CCDC93: variants seen among roughly 807,000 people sequenced by gnomAD.
The protein encoded by CCDC93 is CCC complex scaffolding subunit CCDC93.
A neutral mutation model predicts 108.2 loss-of-function variants in CCDC93; 61 were observed. That is an observed-to-expected ratio of 0.56 (90% CI 0.46 to 0.70). The LOEUF (loss-of-function observed/expected upper bound fraction) is 0.70. Among genes scored for constraint, CCDC93 ranks in the 30% least tolerant of loss-of-function variants. The probability of loss-of-function intolerance (pLI) is 0.00; values close to 1 mark genes in which losing one functional copy is unlikely to be tolerated. For missense variants in CCDC93, 685 were observed against 764.2 expected (o/e 0.90, Z 1.22); for synonymous variants, 276 against 260.4 (o/e 1.06, Z -0.58).
intron 7 of CCDC93, among the ~76,000 whole-genome samples, chr2:117,981,075 C>T (rs1039895343): frequency 6.6e-6 from 1 of 152,070 alleles, no homozygotes; most frequent in African/African-American, 2.4e-5. Context: ...ATGAGTAAGC[C>T]ACATTTTGTT....
intron 23 of CCDC93, among the ~76,000 whole-genome samples, chr2:117,922,519 T>G (rs759436930): frequency 1.3e-5 from 2 of 152,208 alleles, no homozygotes; most frequent in Non-Finnish European, 2.9e-5. Flanking sequence ...ATTTAAATCT[T>G]AGTATCATGA....
At position 117,941,316 on chromosome 2, in the gene CCDC93, C is replaced by G. The variant is rs143570379; in HGVS notation, c.1414-19G>C. The stretch of plus-strand genomic sequence containing the variant: ...TTCGAGCCTAAATGCAAAAGGGAGA[C>G]AGAGACAGTACTATTTGGTAAAAGG... On this transcript the variant is annotated intron_variant, in intron 18 of 23. Transcript: ENST00000376300. The G allele has an allele frequency of 1.3e-6, 2 of 1,592,596 alleles. No homozygotes were observed. Among genetic ancestry groups the G allele is most frequent in the Non-Finnish European group, 1.7e-6 (2 of 1,160,492 alleles).
At chr2:117,995,650 T>C in intron 5 of CCDC93, 148 bp from the exon 6 acceptor site, 1 of 644,168 alleles carries the variant, frequency 1.6e-6, no homozygotes, top group Non-Finnish European at 2.7e-6. Flanking sequence ...TGTAATATAT[T>C]CTCCATGGGA....
chr2:117,970,589 T>G (rs1437638903), intron 11 of CCDC93, among the ~76,000 whole-genome samples: 2 of 152,224 alleles, frequency 1.3e-5, no homozygotes, highest in African/African-American at 4.8e-5. Flanking sequence ...GTATAGACTT[T>G]ATTCAAATTC....
In CCDC93 at chr2:117,935,489, T is replaced by C. The variant is rs768880760; in HGVS notation, c.1728+6A>G. 3.2e-5 allele frequency: 52 copies of C among 1,608,772 alleles called. No individual in the cohort carries two copies. The highest frequency in any genetic ancestry group is 2.2e-4 in the South Asian group (20 of 90,914). ...GGGCTGCATTACAGAAAAGAAGCCA[T>C]CTGACCTTCATTCTACTTTGCTTAA... is the stretch of plus-strand genomic sequence containing the variant. On this transcript the variant is annotated splice_donor_region_variant and intron_variant, in intron 22 of 23. Coordinates refer to ENST00000376300, the MANE Select transcript of CCDC93 (RefSeq NM_019044.5).
Position 117,934,152 on chromosome 2 carries a change from C to T in CCDC93, c.1728+1343G>A, listed in dbSNP as rs146300116. On this transcript the variant is annotated intron_variant, in intron 22 of 23. Coordinates refer to ENST00000376300, the MANE Select transcript of CCDC93 (RefSeq NM_019044.5). The stretch of plus-strand genomic sequence containing the variant: ...TCATGGAGTTTTTTCCTTTGGCCTC[C>T]ACTTCCTGTTTACACTGCTCTCTGT... The T allele has an allele frequency of 2.3e-4, 35 of 152,274 alleles. No homozygotes were observed. In the East Asian group the frequency reaches 6.8e-3, roughly 30 times the overall value. The allele number at this position is 152,274 out of a possible 1,614,324, so 9.4% of individuals were successfully genotyped here.
At chr2:118,001,064 T>C (rs1360114467) in intron 3 of CCDC93, 132 bp from the exon 4 acceptor site, 2 of 602,304 alleles carry the variant, frequency 3.3e-6, no homozygotes, top group Admixed American at 5.7e-5. Flanking sequence ...ATGACAAGTT[T>C]CTCCTAGATG....
At chr2:117,983,633 TATATATA>T (rs1680220913) in intron 7 of CCDC93, among the ~76,000 whole-genome samples, 45 of 115,690 alleles carry the variant, frequency 3.9e-4, no homozygotes, top group African/African-American at 1.5e-3. Context: ...CTCAAAATTA[TATATATA>T]TATATATATA....
At position 117,990,472 on chromosome 2, in the gene CCDC93, A is replaced by T. The variant is rs966250418; in HGVS notation, c.520-4403T>A. On this transcript the variant is annotated intron_variant, in intron 6 of 23. Coordinates refer to ENST00000376300, the MANE Select transcript of CCDC93 (RefSeq NM_019044.5). ...CGCCCATCATAAGCTCGGATGATAA[A>T]GTTCACAGCGGCCTTTCTGCCTGGC... Among the ~76,000 whole-genome samples the T allele has an allele frequency of 5.9e-5, 9 of 152,372 alleles. No homozygotes were observed. In the East Asian group the frequency reaches 1.7e-3, roughly 29 times the overall value.
chr2:117,954,708 G>T (rs1284404406), intron 12 of CCDC93, among the ~76,000 whole-genome samples: 2 of 152,138 alleles, frequency 1.3e-5, no homozygotes, highest in Non-Finnish European at 2.9e-5. Flanking sequence ...ATTGGACCAT[G>T]ATATGATTTG....
At chr2:117,957,794 C>T (rs1028144760) in intron 12 of CCDC93, among the ~76,000 whole-genome samples, 5 of 152,150 alleles carry the variant, frequency 3.3e-5, no homozygotes, top group Non-Finnish European at 5.9e-5. Flanking sequence ...AATACCCACT[C>T]ATCTTTCCAG....
intron 18 of CCDC93, among the ~76,000 whole-genome samples, chr2:117,941,935 G>A (rs1415621036): frequency 6.6e-6 from 1 of 152,140 alleles, no homozygotes; most frequent in East Asian, 1.9e-4. Context: ...AGACCAAGCG[G>A]GCTCTGAGTG....
chr2:117,947,828 G>T (rs896578316), intron 15 of CCDC93, among the ~76,000 whole-genome samples: 1 of 151,840 alleles, frequency 6.6e-6, no homozygotes, highest in African/African-American at 2.4e-5. Flanking sequence ...CGAGTAGCTG[G>T]GACTACAGGC....
chr2:117,966,567 AG>A (rs1679581991), intron 11 of CCDC93, among the ~76,000 whole-genome samples: 1 of 152,254 alleles, frequency 6.6e-6, no homozygotes, highest in Non-Finnish European at 1.5e-5. Flanking sequence ...AGAACTGAAG[AG>A]GCAGTCTTCT....
chr2:117,938,402 T>G (rs1678587543), intron 20 of CCDC93, among the ~76,000 whole-genome samples: 1 of 152,194 alleles, frequency 6.6e-6, no homozygotes, highest in African/African-American at 2.4e-5. Context: ...AACCTGAGTT[T>G]TTAAATGTTA....
At chr2:117,988,007 T>G (rs186204009) in intron 6 of CCDC93, among the ~76,000 whole-genome samples, 1 of 152,130 alleles carries the variant, frequency 6.6e-6, no homozygotes, top group Non-Finnish European at 1.5e-5. Flanking sequence ...CAGTAAGCGA[T>G]AAAAACAGGA....
chr2:117,949,922 GGT>G, intron 13 of CCDC93: 1 of 985,382 alleles, frequency 1.0e-6, no homozygotes, highest in Non-Finnish European at 1.2e-6. Context: ...AGGAAGGACT[GGT>G]GTGCAGTGTT....
At chr2:118,003,323 T>C (rs958051806) in intron 3 of CCDC93, among the ~76,000 whole-genome samples, 8 of 152,216 alleles carry the variant, frequency 5.3e-5, no homozygotes, top group Non-Finnish European at 1.0e-4. Flanking sequence ...CAGACTCTCA[T>C]AGCTTATTTA....
intron 11 of CCDC93, among the ~76,000 whole-genome samples, chr2:117,968,878 C>T (rs906767346): frequency 6.6e-6 from 1 of 152,202 alleles, no homozygotes; most frequent in Non-Finnish European, 1.5e-5. Flanking sequence ...ATTCCTCAAT[C>T]CCATCTCTAT....
Sources: allele counts gnomAD v4.1 joint callset (sites outside exome capture counted in the v4.1 genomes callset), GRCh38; gene constraint gnomAD v4.1.1; transcripts MANE v1.5; gene names NCBI Gene and HGNC (gene_info 2026-07-23, HGNC 2026-07-21).